The following OR2L13 variants were observed in gnomAD, a reference collection of about 807,000 sequenced individuals.
The protein encoded by OR2L13 is olfactory receptor family 2 subfamily L member 13.
In OR2L13, 14 loss-of-function variants were observed where a neutral mutation model predicts 15.3. The observed-to-expected ratio is 0.91, with a 90% confidence interval of 0.60 to 1.43. The LOEUF is 1.43. Among genes scored for constraint, OR2L13 ranks in the 40% most tolerant of loss-of-function variants. The pLI, the probability that OR2L13 is intolerant of heterozygous loss-of-function variation, is 0.00. For synonymous variants in OR2L13, 152 were observed against 142.9 expected, an observed-to-expected ratio of 1.06 and a Z score of -0.45; for missense variants, 367 against 387.9, an observed-to-expected ratio of 0.95 and a Z score of 0.45.
chr1:247,961,532 A>T, the OR2L13 span, among the ~76,000 whole-genome samples: 1 of 152,186 alleles, frequency 6.6e-6, no homozygotes, highest in Non-Finnish European at 1.5e-5. Context: ...CCTAGATTCA[A>T]GGAAGGCAAA....
chr1:248,025,766 G>A, the OR2L13 span, among the ~76,000 whole-genome samples: 1 of 151,850 alleles, frequency 6.6e-6, no homozygotes, highest in East Asian at 1.9e-4. Flanking sequence ...ATACTATGCA[G>A]CCATAAAAAA....
chr1:247,961,845 A>C, the OR2L13 span, among the ~76,000 whole-genome samples: 2 of 152,184 alleles, frequency 1.3e-5, no homozygotes, highest in African/African-American at 4.8e-5. Flanking sequence ...ACACTTTGGC[A>C]AAGGCCAAAA....
the OR2L13 span, among the ~76,000 whole-genome samples, chr1:248,076,413 T>C: frequency 2.0e-5 from 3 of 152,216 alleles, no homozygotes; most frequent in East Asian, 1.9e-4. Flanking sequence ...GGGGATGGCA[T>C]TGAATGTATA....
the OR2L13 span, among the ~76,000 whole-genome samples, chr1:248,072,912 A>T: frequency 6.6e-6 from 1 of 152,252 alleles, no homozygotes; most frequent in Non-Finnish European, 1.5e-5. Flanking sequence ...AATGCAAATC[A>T]AAACCACAAT....
the OR2L13 span, among the ~76,000 whole-genome samples, chr1:248,009,298 A>G: frequency 6.6e-6 from 1 of 152,114 alleles, no homozygotes; most frequent in African/African-American, 2.4e-5. Context: ...AGAAGAAAAG[A>G]GAGAAGAATA....
the OR2L13 span, among the ~76,000 whole-genome samples, chr1:247,968,367 T>A: frequency 6.6e-6 from 1 of 152,200 alleles, no homozygotes; most frequent in Non-Finnish European, 1.5e-5. Context: ...TAGTATACTT[T>A]AAGTTCTAGG....
At chr1:248,004,461 T>A in the OR2L13 span, among the ~76,000 whole-genome samples, 1 of 152,226 alleles carries the variant, frequency 6.6e-6, no homozygotes, top group Non-Finnish European at 1.5e-5. Flanking sequence ...AAAAAATATC[T>A]CTTGACTTGG....
the OR2L13 span, chr1:247,949,754 C>T: frequency 6.2e-7 from 1 of 1,612,860 alleles, no homozygotes; most frequent in Admixed American, 1.7e-5. Flanking sequence ...TGATGGGGGC[C>T]CTGACACGAG....
the OR2L13 span, chr1:248,061,165 G>A: frequency 2.5e-6 from 4 of 1,613,042 alleles, no homozygotes; most frequent in Admixed American, 3.3e-5. Flanking sequence ...CACTGTATAT[G>A]TACTCCATAT....
At chr1:248,069,461 G>C in the OR2L13 span, among the ~76,000 whole-genome samples, 1 of 152,124 alleles carries the variant, frequency 6.6e-6, no homozygotes, top group Non-Finnish European at 1.5e-5. Context: ...ACCTAAAAGA[G>C]CTCCTGAAGG....
the OR2L13 span, among the ~76,000 whole-genome samples, chr1:247,968,965 T>G: frequency 2.6e-5 from 4 of 152,194 alleles, no homozygotes; most frequent in African/African-American, 9.7e-5. Flanking sequence ...CCATCAACAG[T>G]GTAAAAGTGT....
At chr1:248,083,531 A>T in the OR2L13 span, 4 of 838,858 alleles carry the variant, frequency 4.8e-6, no homozygotes, top group Non-Finnish European at 7.7e-6. Flanking sequence ...TATTATATCA[A>T]TGCACAAACT....
chr1:248,056,672 C>T, the OR2L13 span, among the ~76,000 whole-genome samples: 13 of 135,066 alleles, frequency 9.6e-5, no homozygotes, highest in Admixed American at 2.2e-4. Context: ...TTTGAGGGGG[C>T]TTTTTTTTTT....
the OR2L13 span, chr1:248,022,517 C>A: frequency 6.2e-7 from 1 of 1,614,176 alleles, no homozygotes; most frequent in Non-Finnish European, 8.5e-7. Flanking sequence ...CCTGTACAGA[C>A]ACCTGGGTCT....
chr1:248,041,577 A>C, the OR2L13 span: 1 of 152,212 alleles, frequency 6.6e-6, no homozygotes, highest in South Asian at 2.1e-4. Context: ...CAGGCAACCT[A>C]CAGAATGGGA....
chr1:248,003,329 C>T, the OR2L13 span: 1 of 1,595,040 alleles, frequency 6.3e-7, no homozygotes, highest in Admixed American at 1.7e-5. Flanking sequence ...TCAGCTCTCC[C>T]TCATTGACCT....
the OR2L13 span, among the ~76,000 whole-genome samples, chr1:248,016,157 T>C: frequency 6.6e-6 from 1 of 152,312 alleles, no homozygotes; most frequent in Non-Finnish European, 1.5e-5. Flanking sequence ...AATTGAAGGA[T>C]AGGAAAAAAT....
the OR2L13 span, among the ~76,000 whole-genome samples, chr1:247,974,546 G>T: frequency 1.3e-5 from 2 of 151,748 alleles, no homozygotes; most frequent in Non-Finnish European, 2.9e-5. Context: ...TCTCTTACTT[G>T]CCTAACTTAT....
chr1:248,085,468 C>T, the OR2L13 span, among the ~76,000 whole-genome samples: 714 of 11,500 alleles, frequency 0.062, 22 homozygotes, highest in African/African-American at 0.12. Context: ...CAGAGAAGCA[C>T]CAAAAAAAAA....
Sources: allele counts gnomAD v4.1 joint callset (sites outside exome capture counted in the v4.1 genomes callset), GRCh38; gene constraint gnomAD v4.1.1; transcripts MANE v1.5; gene names NCBI Gene and HGNC (gene_info 2026-07-23, HGNC 2026-07-21).